TMEM232: variants seen among roughly 807,000 people sequenced by gnomAD.
TMEM232 encodes the protein transmembrane protein 232.
Under a neutral mutation model 78.8 loss-of-function variants are expected in TMEM232, and 80 were observed. The ratio of observed to expected loss-of-function variants is 1.01; its 90% CI spans 0.85 to 1.22. The LOEUF (loss-of-function observed/expected upper bound fraction) is 1.22, where lower values mean the gene tolerates loss of function less well. TMEM232 is among the 50% of genes most tolerant of loss of function. TMEM232 has a pLI of 0.00. For missense variants in TMEM232, 881 were observed against 742.2 expected (o/e 1.19, Z -2.17); for synonymous variants, 297 against 254.3 (o/e 1.17, Z -1.60).
chr5:110,641,732 T>C (rs1213904659), intron 3 of TMEM232, among the ~76,000 whole-genome samples: 2 of 152,180 alleles, frequency 1.3e-5, no homozygotes, highest in Non-Finnish European at 2.9e-5. Context: ...ATGTATGTTA[T>C]TTCTCTGTAA....
intron 1 of TMEM232, among the ~76,000 whole-genome samples, chr5:110,711,238 A>G (rs975471831): frequency 3.9e-5 from 6 of 152,180 alleles, no homozygotes; most frequent in Admixed American, 6.5e-5. Flanking sequence ...ATTACAAAAC[A>G]CTGGTGAAAG....
At chr5:110,523,458 G>A (rs1475528713) in intron 12 of TMEM232, among the ~76,000 whole-genome samples, 1 of 151,940 alleles carries the variant, frequency 6.6e-6, no homozygotes, top group South Asian at 2.1e-4. Flanking sequence ...CTAGGTCCTT[G>A]AGGTGTAAAT....
intron 2 of TMEM232, among the ~76,000 whole-genome samples, chr5:110,645,066 A>C (rs998630315): frequency 6.6e-6 from 1 of 151,688 alleles, no homozygotes; most frequent in Admixed American, 6.6e-5. Context: ...CCAATAAAAA[A>C]AAAGATTAGA....
upstream of TMEM232, among the ~76,000 whole-genome samples, chr5:110,729,329 A>G (rs947696782): frequency 4.6e-5 from 7 of 151,640 alleles, no homozygotes; most frequent in Non-Finnish European, 1.0e-4. Flanking sequence ...TTGCCCACTC[A>G]CTCCTCAACT....
At chr5:110,729,393 C>T (rs188413438), upstream of TMEM232, among the ~76,000 whole-genome samples, 517 of 152,260 alleles carry the variant, frequency 3.4e-3, 3 homozygotes, top group African/African-American at 0.012. Context: ...AATAACCACA[C>T]ACCAGGTAAA....
intron 3 of TMEM232, among the ~76,000 whole-genome samples, chr5:110,391,981 C>T (rs1021411293): frequency 2.0e-5 from 3 of 152,190 alleles, no homozygotes; most frequent in African/African-American, 7.2e-5. Flanking sequence ...CCTACATATG[C>T]ATCATATGGC....
At chr5:110,730,257 C>T (rs58967540), upstream of TMEM232, among the ~76,000 whole-genome samples, 2,910 of 152,172 alleles carry the variant, frequency 0.019, 83 homozygotes, top group African/African-American at 0.067. Context: ...ATTGATTTTC[C>T]AGGGAAAACA....
chr5:110,408,464 T>G (rs1429972189), intron 2 of TMEM232, among the ~76,000 whole-genome samples: 3 of 151,822 alleles, frequency 2.0e-5, no homozygotes, highest in Non-Finnish European at 4.4e-5. Context: ...TGGTGGTGCA[T>G]GCCTTTAATC....
At chr5:110,517,936 T>C (rs1427076116) in intron 12 of TMEM232, among the ~76,000 whole-genome samples, 1 of 152,180 alleles carries the variant, frequency 6.6e-6, no homozygotes, top group African/African-American at 2.4e-5. Flanking sequence ...CTCACTCTTC[T>C]CTAACTTTGC....
intron 12 of TMEM232, among the ~76,000 whole-genome samples, chr5:110,487,482 C>T (rs753337076): frequency 2.0e-5 from 3 of 151,902 alleles, no homozygotes; most frequent in Non-Finnish European, 4.4e-5. Context: ...GAGGTAGGTC[C>T]CTTGTATGCC....
chr5:110,399,449 T>C (rs1755511506), intron 2 of TMEM232, among the ~76,000 whole-genome samples: 1 of 152,144 alleles, frequency 6.6e-6, no homozygotes, highest in African/African-American at 2.4e-5. Context: ...TTAATCCCTT[T>C]GGGAGACAAT....
At chr5:110,413,243 C>T (rs975359101) in intron 2 of TMEM232, among the ~76,000 whole-genome samples, 7 of 152,146 alleles carry the variant, frequency 4.6e-5, no homozygotes, top group African/African-American at 1.4e-4. Flanking sequence ...ATGTTTCTCC[C>T]GTGCTGGATG....
intron 3 of TMEM232, among the ~76,000 whole-genome samples, chr5:110,391,155 TG>T (rs1308746783): frequency 6.6e-6 from 1 of 152,182 alleles, no homozygotes. Flanking sequence ...GCCTTTTTGC[TG>T]CATAGCTTGT....
At chr5:110,420,788 T>G (rs1244242659) in intron 13 of TMEM232, 32 bp from the exon 14 acceptor site, 1 of 1,483,926 alleles carries the variant, frequency 6.7e-7, no homozygotes, top group Non-Finnish European at 8.8e-7. Context: ...ATTCACATGA[T>G]TTTCCATGAA....
intron 1 of TMEM232, among the ~76,000 whole-genome samples, chr5:110,694,041 G>A (rs1019069875): frequency 1.3e-5 from 2 of 152,002 alleles, no homozygotes; most frequent in African/African-American, 4.8e-5. Context: ...AAAATGTTAA[G>A]CGCAACCACA....
chr5:110,642,478 A>G (rs1334928634), intron 2 of TMEM232, 107 bp from the exon 3 acceptor site: 1 of 743,164 alleles, frequency 1.3e-6, no homozygotes, highest in Non-Finnish European at 2.0e-6. Context: ...TAGCAAAAAT[A>G]CTTTCTTAAT....
At chr5:110,648,661 C>T (rs1227658019) in intron 2 of TMEM232, among the ~76,000 whole-genome samples, 2 of 151,852 alleles carry the variant, frequency 1.3e-5, no homozygotes, top group Non-Finnish European at 2.9e-5. Context: ...TTACTGGGAC[C>T]ACCGCTTATG....
chr5:110,686,428 A>G (rs1410734564), intron 1 of TMEM232, among the ~76,000 whole-genome samples: 1 of 151,986 alleles, frequency 6.6e-6, no homozygotes, highest in East Asian at 1.9e-4. Flanking sequence ...TGAGAGAGCC[A>G]TTTTGGTTGT....
chr5:110,680,913 T>C (rs145937911), intron 1 of TMEM232, among the ~76,000 whole-genome samples: 89 of 151,638 alleles, frequency 5.9e-4, no homozygotes, highest in Non-Finnish European at 9.0e-4. Context: ...AAATGGGGTA[T>C]GGGTAGGGGT....
Sources: gnomAD v4.1 joint callset for allele counts (sites outside exome capture counted in the v4.1 genomes callset) on GRCh38, gnomAD v4.1.1 for gene constraint, MANE v1.5 for transcripts, NCBI Gene and HGNC (gene_info 2026-07-23, HGNC 2026-07-21) for gene names.